SLC12A7: variants seen among roughly 807,000 people sequenced by gnomAD.
SLC12A7 encodes K-Cl cotransporter 4.
Under a neutral mutation model 120.6 loss-of-function variants are expected in SLC12A7, and 100 were observed. That is an observed-to-expected ratio of 0.83 (90% CI 0.71 to 0.98). The LOEUF (loss-of-function observed/expected upper bound fraction) is 0.98. Among genes scored for constraint, SLC12A7 ranks in the 50% least tolerant of loss-of-function variants. The pLI is 0.00. For synonymous variants in SLC12A7, 760 were observed against 678.0 expected (o/e 1.12, Z -1.88); for missense variants, 1,373 against 1,548.1 (o/e 0.89, Z 1.90).
At chr5:1,077,657 C>T (rs1738514745) in intron 12 of SLC12A7, among the ~76,000 whole-genome samples, 176 bp downstream of exon 12, 1 of 151,910 alleles carries the variant, frequency 6.6e-6, no homozygotes, top group Non-Finnish European at 1.5e-5. Context: ...TGCCTCTGCC[C>T]ACCACCCACC....
intron 22 of SLC12A7, among the ~76,000 whole-genome samples, chr5:1,056,238 C>T (rs967878874): frequency 2.6e-5 from 4 of 152,324 alleles, no homozygotes; most frequent in Non-Finnish European, 4.4e-5. Flanking sequence ...CCCAGAAGGA[C>T]GTGGATGGAC....
At chr5:1,101,743 T>C (rs1742038999) in intron 1 of SLC12A7, among the ~76,000 whole-genome samples, 1 of 152,206 alleles carries the variant, frequency 6.6e-6, no homozygotes, top group Non-Finnish European at 1.5e-5. Flanking sequence ...CCTGGTCTGA[T>C]GCATGTCATG....
chr5:1,133,125 A>C, the SLC12A7 span, among the ~76,000 whole-genome samples: 2 of 152,202 alleles, frequency 1.3e-5, no homozygotes, highest in East Asian at 3.9e-4. Context: ...CATGTTGGCC[A>C]GGCTGGTCTC....
At chr5:1,154,019 G>A in the SLC12A7 span, among the ~76,000 whole-genome samples, 1,610 of 152,096 alleles carry the variant, frequency 0.011, 19 homozygotes, top group African/African-American at 0.03. Context: ...CAGGTGTCTC[G>A]TCCATCTCAT....
At chr5:1,150,083 T>C in the SLC12A7 span, among the ~76,000 whole-genome samples, 2 of 152,202 alleles carry the variant, frequency 1.3e-5, no homozygotes. Context: ...TAAGCCCTTT[T>C]CCCATTTTTA....
the SLC12A7 span, among the ~76,000 whole-genome samples, chr5:1,154,101 A>C: frequency 4.0e-5 from 6 of 151,772 alleles, no homozygotes; most frequent in African/African-American, 1.5e-4. Context: ...TCATCTCCAC[A>C]CGCATGTGTT....
intron 1 of SLC12A7, among the ~76,000 whole-genome samples, chr5:1,095,021 G>GCGGTAGGAGGCGGGGGGGC (rs1740965187): frequency 1.6e-5 from 2 of 123,822 alleles, no homozygotes; most frequent in African/African-American, 6.0e-5. Flanking sequence ...GGAGGTGGGG[G>GCGGTAGGAGGCGGGGGGGC]CGGTAGGAGG....
intron 1 of SLC12A7, among the ~76,000 whole-genome samples, chr5:1,098,778 T>TGCC (rs1741667038): frequency 3.7e-5 from 1 of 26,700 alleles, no homozygotes. Context: ...AACCCTCTGC[T>TGCC]CACCCAGCCA....
intron 1 of SLC12A7, among the ~76,000 whole-genome samples, chr5:1,109,040 G>A (rs1206759970): frequency 6.6e-6 from 1 of 152,214 alleles, no homozygotes; most frequent in Non-Finnish European, 1.5e-5. Context: ...CCAGCTGAGG[G>A]TGGGAGACCT....
intron 1 of SLC12A7, among the ~76,000 whole-genome samples, chr5:1,096,598 C>T (rs1005889580): frequency 6.8e-6 from 1 of 147,250 alleles, no homozygotes; most frequent in East Asian, 2.0e-4. Flanking sequence ...TGGTGACTGG[C>T]GACACTTTCT....
chr5:1,142,794 C>T, the SLC12A7 span, among the ~76,000 whole-genome samples: 3 of 16,870 alleles, frequency 1.8e-4, no homozygotes, highest in African/African-American at 4.0e-4. Flanking sequence ...CCATCAGCTG[C>T]CCCCCCCATA....
At chr5:1,068,817 C>T (rs185787890) in intron 17 of SLC12A7, among the ~76,000 whole-genome samples, 8 of 152,384 alleles carry the variant, frequency 5.2e-5, no homozygotes, top group East Asian at 1.9e-4. Context: ...TGTGGCAGAG[C>T]GTGGCAGGGG....
intron 1 of SLC12A7, among the ~76,000 whole-genome samples, chr5:1,100,213 G>T (rs769721091): frequency 4.6e-5 from 7 of 152,152 alleles, no homozygotes; most frequent in Non-Finnish European, 8.8e-5. Flanking sequence ...CCTCACCCTC[G>T]GGCGGCACCG....
chr5:1,152,862 AT>A, the SLC12A7 span, among the ~76,000 whole-genome samples: 1 of 152,156 alleles, frequency 6.6e-6, no homozygotes, highest in African/African-American at 2.4e-5. Context: ...TCTCTGGAGG[AT>A]TAGAAAGTTC....
the SLC12A7 span, among the ~76,000 whole-genome samples, chr5:1,130,616 A>C: frequency 6.6e-6 from 1 of 150,706 alleles, no homozygotes; most frequent in Non-Finnish European, 1.5e-5. Flanking sequence ...CTCCTTAGCC[A>C]GGGTGGGGGC....
the SLC12A7 span, among the ~76,000 whole-genome samples, chr5:1,119,072 C>A: frequency 2.0e-5 from 3 of 152,262 alleles, no homozygotes; most frequent in Non-Finnish European, 2.9e-5. Flanking sequence ...GGTGTGCTCA[C>A]CCTCAGTCTG....
chr5:1,136,496 G>A, the SLC12A7 span, among the ~76,000 whole-genome samples: 1 of 116,964 alleles, frequency 8.5e-6, no homozygotes, highest in Admixed American at 8.5e-5. Flanking sequence ...GGACACGCAG[G>A]CACACACGTG....
Position 1,065,446 on chromosome 5 carries a change from G to C in SLC12A7, c.2274C>G (p.Thr758=), listed in dbSNP as rs777603813. The C allele has an allele frequency of 6.2e-7, 1 of 1,609,338 alleles. No homozygotes were observed. The highest frequency in any genetic ancestry group is 8.5e-7 in the Non-Finnish European group (1 of 1,177,910). ...AGACCACCAGCTGGCAGAAGCCCTT[G>C]GTCTTCTCTGTGCTCATTAGGGACC... is the stretch of plus-strand genomic sequence containing the variant. The part of the protein sequence containing the change: ...NIRSLMSTEK[T]KGFCQLVVSS... Residue 758 remains threonine, a synonymous_variant, in exon 18 of 24, where the codon ACC becomes ACG. Transcript: ENST00000264930.
At chr5:1,114,451 C>T (rs1050072600), upstream of SLC12A7, among the ~76,000 whole-genome samples, 2 of 152,156 alleles carry the variant, frequency 1.3e-5, no homozygotes, top group Non-Finnish European at 2.9e-5. Flanking sequence ...CATCAGTAGC[C>T]CATCCCTAGG....
Sources: gnomAD v4.1 joint callset for allele counts (sites outside exome capture counted in the v4.1 genomes callset) on GRCh38, gnomAD v4.1.1 for gene constraint, MANE v1.5 for transcripts, NCBI Gene and HGNC (gene_info 2026-07-23, HGNC 2026-07-21) for gene names.